IGF2BP2: variants seen among roughly 807,000 people sequenced by gnomAD.
The protein encoded by IGF2BP2 is insulin-like growth factor 2 mRNA-binding protein 2.
A neutral mutation model predicts 75.8 loss-of-function variants in IGF2BP2; 17 were observed. That is an observed-to-expected ratio of 0.22 (90% confidence interval 0.15 to 0.34). The LOEUF is 0.34. Among genes scored for constraint, IGF2BP2 ranks in the 10% least tolerant of loss-of-function variants. The probability of loss-of-function intolerance (pLI) is 1.00; values close to 1 mark genes in which losing one functional copy is unlikely to be tolerated. For missense variants in IGF2BP2, 516 were observed against 772.4 expected (o/e 0.67, Z 3.93); for synonymous variants, 288 against 295.6 (o/e 0.97, Z 0.26).
intron 2 of IGF2BP2, among the ~76,000 whole-genome samples, chr3:185,743,237 G>A (rs1729809957): frequency 1.3e-5 from 2 of 151,992 alleles, no homozygotes; most frequent in Non-Finnish European, 2.9e-5. Flanking sequence ...TCAGGAGAGA[G>A]ACGATGGAAG....
At chr3:185,768,358 C>T (rs957697821) in intron 2 of IGF2BP2, among the ~76,000 whole-genome samples, 3 of 152,060 alleles carry the variant, frequency 2.0e-5, no homozygotes, top group South Asian at 2.1e-4. Context: ...AGAGGTGTCA[C>T]GATGCTGAGC....
chr3:185,658,634 G>A (rs1715872637), intron 10 of IGF2BP2, among the ~76,000 whole-genome samples: 1 of 152,190 alleles, frequency 6.6e-6, no homozygotes, highest in Admixed American at 6.5e-5. Context: ...TAGCTCTCTG[G>A]GCTAAATGTT....
At chr3:185,671,825 T>C (rs1167206035) in intron 10 of IGF2BP2, among the ~76,000 whole-genome samples, 4 of 152,122 alleles carry the variant, frequency 2.6e-5, no homozygotes, top group African/African-American at 9.7e-5. Flanking sequence ...AGCATAAACA[T>C]TGGGGGAAAG....
intron 10 of IGF2BP2, among the ~76,000 whole-genome samples, chr3:185,660,092 C>A (rs1022393748): frequency 6.6e-6 from 1 of 152,188 alleles, no homozygotes; most frequent in Admixed American, 6.5e-5. Flanking sequence ...CCACCGCGCC[C>A]GGTCTGATAT....
Position 185,757,558 on chromosome 3 carries a change from G to A in IGF2BP2, c.240-59211C>T, listed in dbSNP as rs144599645. Among the ~76,000 whole-genome samples the A allele has an allele frequency of 2.0e-3, 296 of 147,314 alleles. 1 individual carries two copies. Among genetic ancestry groups the A allele is most frequent in the Non-Finnish European group, 3.4e-3 (230 of 67,340 alleles). On this transcript the variant is annotated intron_variant, in intron 2 of 15. Transcript: ENST00000382199. ...TGGCTCACTGCAGCCCTGACTTCCC[G>A]GGTTCAGGTGATTTTTCCCACTTTA...
chr3:185,691,786 T>C (rs991134216), intron 5 of IGF2BP2, among the ~76,000 whole-genome samples: 1 of 152,090 alleles, frequency 6.6e-6, no homozygotes, highest in South Asian at 2.1e-4. Context: ...CCAGGCTGGA[T>C]GGTAGTGGTG....
chr3:185,657,229 G>A, intron 12 of IGF2BP2, 57 bp downstream of exon 12: 1 of 1,175,538 alleles, frequency 8.5e-7, no homozygotes, highest in South Asian at 1.3e-5. Context: ...GGGAACAAGG[G>A]CCGTGGGATG....
rs149900176 is a variant in IGF2BP2 at position 185,701,545 on chromosome 3, C to T, written c.240-3198G>A. Among the ~76,000 whole-genome samples the T allele has an allele frequency of 1.1e-4, 17 of 152,234 alleles. No individual in the cohort carries two copies. In the East Asian group the frequency reaches 2.3e-3, roughly 21 times the overall value. ...ATTAATGTATGTGGCAAACACTTCA[C>T]GGTGCAAAAGTAGGAAAACTCCGCC... On this transcript the variant is annotated intron_variant, in intron 2 of 15. Transcript: ENST00000382199.
chr3:185,796,073 C>T (rs1182619583), intron 2 of IGF2BP2, among the ~76,000 whole-genome samples: 5 of 151,918 alleles, frequency 3.3e-5, no homozygotes, highest in African/African-American at 1.2e-4. Context: ...TTTTGATGTC[C>T]GAGTATGAAT....
intron 14 of IGF2BP2, among the ~76,000 whole-genome samples, chr3:185,648,430 T>A (rs1163762906): frequency 2.1e-5 from 3 of 139,692 alleles, no homozygotes; most frequent in East Asian, 4.2e-4. Context: ...ACCACTGCAC[T>A]CCAGCCTGGG....
chr3:185,729,436 A>C (rs966920394), intron 2 of IGF2BP2, among the ~76,000 whole-genome samples: 1 of 152,226 alleles, frequency 6.6e-6, no homozygotes, highest in Non-Finnish European at 1.5e-5. Flanking sequence ...TTGACCTCTT[A>C]AGAACTAGAA....
At chr3:185,749,339 A>C (rs1435008165) in intron 2 of IGF2BP2, among the ~76,000 whole-genome samples, 2 of 152,238 alleles carry the variant, frequency 1.3e-5, no homozygotes, top group African/African-American at 4.8e-5. Flanking sequence ...GCAGAAAAAA[A>C]CTGAGAAGTT....
At chr3:185,672,475 C>T in intron 10 of IGF2BP2, 66 bp downstream of exon 10, 1 of 1,520,472 alleles carries the variant, frequency 6.6e-7, no homozygotes, top group Non-Finnish European at 9.0e-7. Context: ...TTCCACACAG[C>T]AGAGGCATGC....
At chr3:185,723,663 A>G (rs1298467596) in intron 2 of IGF2BP2, among the ~76,000 whole-genome samples, 1 of 152,222 alleles carries the variant, frequency 6.6e-6, no homozygotes, top group Non-Finnish European at 1.5e-5. Flanking sequence ...TGAGAGCTCC[A>G]AACTTGTGTA....
intron 2 of IGF2BP2, among the ~76,000 whole-genome samples, chr3:185,715,890 C>T (rs947424710): frequency 3.3e-5 from 5 of 152,174 alleles, no homozygotes; most frequent in Non-Finnish European, 1.5e-5. Context: ...AGGTGATCCA[C>T]CTGCCTCAGC....
intron 2 of IGF2BP2, among the ~76,000 whole-genome samples, chr3:185,772,282 T>C (rs182126749): frequency 6.6e-6 from 1 of 152,220 alleles, no homozygotes; most frequent in Non-Finnish European, 1.5e-5. Context: ...CCTTAAAGAG[T>C]TTTCCCTACT....
At chr3:185,732,712 G>C (rs1163255380) in intron 2 of IGF2BP2, among the ~76,000 whole-genome samples, 1 of 152,148 alleles carries the variant, frequency 6.6e-6, no homozygotes, top group Non-Finnish European at 1.5e-5. Context: ...AGTATATGAA[G>C]ACAATTATAA....
intron 4 of IGF2BP2, among the ~76,000 whole-genome samples, chr3:185,695,412 G>C (rs1560309010): frequency 6.6e-6 from 1 of 152,190 alleles, no homozygotes; most frequent in African/African-American, 2.4e-5. Context: ...TCCAGTGACA[G>C]AGGAAGGGTA....
chr3:185,663,742 C>T (rs545563702), intron 10 of IGF2BP2, among the ~76,000 whole-genome samples: 1 of 152,168 alleles, frequency 6.6e-6, no homozygotes, highest in East Asian at 1.9e-4. Flanking sequence ...TATTTCCACC[C>T]TGATCTTTAT....
Sources: allele counts gnomAD v4.1 joint callset (sites outside exome capture counted in the v4.1 genomes callset), GRCh38; gene constraint gnomAD v4.1.1; transcripts MANE v1.5; gene names NCBI Gene and HGNC (gene_info 2026-07-23, HGNC 2026-07-21).